NTM: variants seen among roughly 807,000 people sequenced by gnomAD.
The protein encoded by NTM is IgLON family member 2.
NTM carries 13 observed loss-of-function variants against 42.1 expected under a neutral mutation model. That is an observed-to-expected ratio of 0.31 (90% CI 0.20 to 0.49). NTM has a LOEUF of 0.49. Among genes scored for constraint, NTM ranks in the 20% least tolerant of loss-of-function variants. The pLI is 0.99. For missense variants in NTM, 373 were observed against 452.8 expected (o/e 0.82, Z 1.60); for synonymous variants, 187 against 179.2 (o/e 1.04, Z -0.35).
chr11:131,504,521 G>A (rs947905713), intron 1 of NTM, among the ~76,000 whole-genome samples: 13 of 152,118 alleles, frequency 8.5e-5, no homozygotes, highest in East Asian at 1.9e-4. Flanking sequence ...CATACCACCC[G>A]TTTCCAGCTC....
intron 2 of NTM, among the ~76,000 whole-genome samples, chr11:132,129,296 A>C (rs2066410912): frequency 6.6e-6 from 1 of 152,218 alleles, no homozygotes; most frequent in Non-Finnish European, 1.5e-5. Flanking sequence ...TCTAAGTGAT[A>C]GTTTAGAACC....
intron 1 of NTM, among the ~76,000 whole-genome samples, chr11:131,589,560 T>C (rs927655818): frequency 2.0e-5 from 3 of 152,238 alleles, no homozygotes; most frequent in Non-Finnish European, 4.4e-5. Flanking sequence ...AAAGTGTTTT[T>C]CTCCCCTCTG....
chr11:131,530,683 G>T (rs747419409), intron 1 of NTM, among the ~76,000 whole-genome samples: 6 of 152,174 alleles, frequency 3.9e-5, no homozygotes. Context: ...CCAAGAAAGG[G>T]ATTTCAGCAG....
intron 1 of NTM, among the ~76,000 whole-genome samples, chr11:131,468,261 A>T (rs1307758682): frequency 6.6e-6 from 1 of 152,214 alleles, no homozygotes; most frequent in Non-Finnish European, 1.5e-5. Context: ...GACAAAGCCC[A>T]TGCTGTGTAA....
chr11:132,271,687 C>T (rs1377396890), intron 4 of NTM, among the ~76,000 whole-genome samples: 1 of 149,910 alleles, frequency 6.7e-6, no homozygotes. Context: ...GCCATTCATA[C>T]ATCTTTGGAG....
intron 1 of NTM, among the ~76,000 whole-genome samples, chr11:131,722,281 A>C (rs1349496142): frequency 6.6e-6 from 1 of 152,166 alleles, no homozygotes. Flanking sequence ...TAGATAGGGG[A>C]CTATTCTGCA....
chr11:131,472,049 A>G (rs1345610744), intron 1 of NTM, among the ~76,000 whole-genome samples: 1 of 152,200 alleles, frequency 6.6e-6, no homozygotes, highest in Non-Finnish European at 1.5e-5. Context: ...AAACCTGAAC[A>G]TCTCTCTTTC....
At chr11:132,295,746 A>G (rs1175286610) in intron 4 of NTM, among the ~76,000 whole-genome samples, 1 of 152,192 alleles carries the variant, frequency 6.6e-6, no homozygotes. Flanking sequence ...TGTAGGCAAG[A>G]GCCAGCTCAT....
chr11:131,790,069 A>G lies in NTM; in HGVS notation c.83-121495A>G, dbSNP rs904439871. Among the ~76,000 whole-genome samples, 8 of 152,218 alleles carry G rather than the reference A, an allele frequency of 5.3e-5. No individual in the cohort carries two copies. The East Asian group carries it at 1.5e-3, about 29-fold the overall frequency. On this transcript the variant is annotated intron_variant, in intron 1 of 8. Coordinates refer to ENST00000683400, the MANE Select transcript of NTM (RefSeq NM_001352005.2). ...GTTGAGACTCAAATTAGTGGCCTAC[A>G]ATAAAAAGTGTAAATTATATTTCAA...
Position 132,314,566 on chromosome 11 carries a change from A to T in NTM, c.797A>T (p.Lys266Met). The part of the protein sequence containing the change: ...YKDDKRLIEG[K>M]KGVKVENRPF... ...GTTTCTCTCAGACTGATTGAAGGAA[A>T]GAAAGGGGTGAAAGTGGAAAACAGA... is the stretch of plus-strand genomic sequence containing the variant. Residue 266 changes from lysine (K) to methionine (M), a missense_variant, in exon 7 of 9, where the codon AAG (lysine) becomes ATG (methionine). Around this residue, in one of 3 missense-constraint regions of NTM, gnomAD observed 312 missense variants for 353.5 expected, o/e 0.88. Coordinates refer to ENST00000683400, the MANE Select transcript of NTM (RefSeq NM_001352005.2). 6.2e-7 allele frequency: 1 copy of T among 1,612,632 alleles called. No individual in the cohort carries two copies. Among genetic ancestry groups the T allele is most frequent in the Non-Finnish European group, 8.5e-7 (1 of 1,179,356 alleles).
chr11:132,085,166 ATG>A (rs1252190773), intron 2 of NTM, among the ~76,000 whole-genome samples: 2 of 152,216 alleles, frequency 1.3e-5, no homozygotes, highest in African/African-American at 4.8e-5. Context: ...CAAGGCAAAA[ATG>A]TACATTTTCA....
At chr11:131,518,957 G>T (rs192710089) in intron 1 of NTM, among the ~76,000 whole-genome samples, 141 of 152,314 alleles carry the variant, frequency 9.3e-4, no homozygotes, top group Middle Eastern at 3.4e-3. Flanking sequence ...GTCCTGTATT[G>T]TAGGTGCATT....
At chr11:131,508,500 G>T (rs71483674) in intron 1 of NTM, among the ~76,000 whole-genome samples, 1 of 112,606 alleles carries the variant, frequency 8.9e-6, no homozygotes. Flanking sequence ...ATCTAGAACT[G>T]GAAATACCAT....
chr11:131,955,042 G>A lies in NTM; in HGVS notation c.167+43394G>A, dbSNP rs142029993. On this transcript the variant is annotated intron_variant, in intron 2 of 8. Transcript: ENST00000683400. ...ACATCCTCATTGTCTTTATTCACAA[G>A]CATGATTACCTCCTTAGGATATATT... 3.7e-3 allele frequency among the ~76,000 whole-genome samples: 564 copies of A among 152,248 alleles called. 4 individuals carry two copies. The highest frequency in any genetic ancestry group is 0.013 in the African/African-American group (526 of 41,560).
intron 1 of NTM, among the ~76,000 whole-genome samples, chr11:131,633,674 C>CCTCCCTCTCTCT (rs1565354831): frequency 1.2e-4 from 6 of 51,762 alleles, no homozygotes; most frequent in African/African-American, 3.1e-4. Flanking sequence ...TCCCTCTCTC[C>CCTCCCTCTCTCT]CTCCCTCTCT....
chr11:131,425,409 G>A (rs569223213), intron 1 of NTM, among the ~76,000 whole-genome samples: 1 of 152,088 alleles, frequency 6.6e-6, no homozygotes, highest in Non-Finnish European at 1.5e-5. Context: ...TGATGTTAAG[G>A]CTCAAAGACA....
intron 1 of NTM, among the ~76,000 whole-genome samples, chr11:131,786,284 A>G (rs765453774): frequency 6.6e-6 from 1 of 152,196 alleles, no homozygotes; most frequent in Non-Finnish European, 1.5e-5. Flanking sequence ...GACAGACTAC[A>G]CTTTGATGTG....
At chr11:131,755,144 C>T (rs1354802677) in intron 1 of NTM, among the ~76,000 whole-genome samples, 1 of 152,120 alleles carries the variant, frequency 6.6e-6, no homozygotes, top group East Asian at 1.9e-4. Flanking sequence ...TTCATCAAAA[C>T]TTATTGAGCC....
At chr11:132,016,932 C>T (rs2073516079) in intron 2 of NTM, among the ~76,000 whole-genome samples, 1 of 151,898 alleles carries the variant, frequency 6.6e-6, no homozygotes, top group South Asian at 2.1e-4. Flanking sequence ...TATTACTACT[C>T]ATGTATCTTC....
Sources: allele counts gnomAD v4.1 joint callset (sites outside exome capture counted in the v4.1 genomes callset), GRCh38; gene constraint gnomAD v4.1.1; regional missense constraint gnomAD v4.1.1; transcripts MANE v1.5; gene names NCBI Gene and HGNC (gene_info 2026-07-23, HGNC 2026-07-21).